TRPC3: variants seen among roughly 807,000 people sequenced by gnomAD.
TRPC3 encodes the protein transient receptor potential cation channel subfamily C member 3.
In TRPC3, 54 loss-of-function variants were observed where a neutral mutation model predicts 90.9. The ratio of observed to expected loss-of-function variants is 0.59; its 90% CI spans 0.48 to 0.75. The LOEUF (loss-of-function observed/expected upper bound fraction) is 0.75. Among genes scored for constraint, TRPC3 ranks in the 30% least tolerant of loss-of-function variants. The pLI is 0.00. For synonymous variants in TRPC3, 424 were observed against 450.9 expected (o/e 0.94, Z 0.75); for missense variants, 918 against 1,194.5 (o/e 0.77, Z 3.41).
At position 121,910,175 on chromosome 4, in the gene TRPC3, C is replaced by G. The variant is rs201026202; in HGVS notation, c.1771G>C (p.Glu591Gln). The G allele has an allele frequency of 4.6e-5, 75 of 1,613,376 alleles. No homozygotes were observed. The East Asian group carries it at 1.6e-3, about 35-fold the overall frequency. The change falls in exon 6 of 12, where the codon GAG becomes CAG. Residue 591 changes from glutamate to glutamine, a missense_variant. Glu to Gln is a conservative substitution (Grantham distance 29). This residue lies in a region of TRPC3 where 147 missense variants were observed against 263.5 expected (regional missense o/e 0.56). Coordinates refer to ENST00000379645, the MANE Select transcript of TRPC3 (RefSeq NM_001130698.2). ...SDLSEVTLPP[E>Q]IQYFTYARDK... ...TTACCATAAGTGAAATACTGTATCTCTGGTGGGAGTGTCACTTCACTGAGG... is the reference window on the plus strand; with the variant it reads ...TTACCATAAGTGAAATACTGTATCTGTGGTGGGAGTGTCACTTCACTGAGG...
At chr4:121,904,603 C>A in intron 7 of TRPC3, 86 bp from the exon 8 acceptor site, 2 of 971,224 alleles carry the variant, frequency 2.1e-6, no homozygotes, top group Admixed American at 3.4e-5. Context: ...TAGGGTTTAA[C>A]TACTGTACAG....
intron 11 of TRPC3, among the ~76,000 whole-genome samples, chr4:121,881,791 T>C (rs1051391212): frequency 6.6e-6 from 1 of 152,154 alleles, no homozygotes; most frequent in Admixed American, 6.5e-5. Context: ...TCCTAGACTT[T>C]GGTAAAAAAT....
chr4:121,877,471 G>A lies in TRPC3; in HGVS notation c.*2265C>T, dbSNP rs1428082333. ...CATCAGTCACTGGCCATGGGGAGGCGGAGGCATCACATCCCGAGCAAGGCT... is the reference window on the plus strand; with the variant it reads ...CATCAGTCACTGGCCATGGGGAGGCAGAGGCATCACATCCCGAGCAAGGCT... On this transcript the variant is annotated 3_prime_UTR_variant, in exon 12 of 12. Coordinates refer to ENST00000379645, the MANE Select transcript of TRPC3 (RefSeq NM_001130698.2). Among the ~76,000 whole-genome samples the A allele has an allele frequency of 1.3e-5, 2 of 152,152 alleles. No homozygotes were observed. Among genetic ancestry groups the A allele is most frequent in the Non-Finnish European group, 2.9e-5 (2 of 68,018 alleles).
At chr4:121,898,697 T>C (rs547717002) in intron 10 of TRPC3, among the ~76,000 whole-genome samples, 1 of 152,248 alleles carries the variant, frequency 6.6e-6, no homozygotes, top group African/African-American at 2.4e-5. Context: ...CACAAAGAAA[T>C]GATAGATGTC....
rs751981744 is a variant in TRPC3 at position 121,907,531 on chromosome 4, A to G, written c.1829T>C (p.Ile610Thr). The stretch of plus-strand genomic sequence containing the variant: ...AGCTATGGCATAAAGGCCTTCAGAT[A>G]TAATCTGAGGGTCAGAAGGGAGCCA... Reference protein sequence around the residue: ...DKWLPSDPQIISEGLYAIAVV... With the variant: ...DKWLPSDPQITSEGLYAIAVV... Residue 610 changes from isoleucine (I) to threonine (T), a missense_variant, in exon 7 of 12, where the codon ATA becomes ACA. Around this residue, in one of 4 missense-constraint regions of TRPC3, gnomAD observed 147 missense variants for 263.5 expected, o/e 0.56. Coordinates refer to ENST00000379645, the MANE Select transcript of TRPC3 (RefSeq NM_001130698.2). 1 of 1,612,790 alleles carries G rather than the reference A, an allele frequency of 6.2e-7. No homozygotes were observed. The highest frequency in any genetic ancestry group is 8.5e-7 in the Non-Finnish European group (1 of 1,179,324).
intron 1 of TRPC3, among the ~76,000 whole-genome samples, chr4:121,947,995 G>A (rs1276963675): frequency 6.6e-6 from 1 of 152,038 alleles, no homozygotes; most frequent in Non-Finnish European, 1.5e-5. Flanking sequence ...CTAAACAAAA[G>A]CTTTTTCCCT....
intron 1 of TRPC3, among the ~76,000 whole-genome samples, chr4:121,943,416 T>C (rs927451801): frequency 6.6e-6 from 1 of 152,232 alleles, no homozygotes; most frequent in Non-Finnish European, 1.5e-5. Context: ...TCTCTATCTC[T>C]TGATTTTGAT....
chr4:121,905,571 T>C (rs141701528), intron 7 of TRPC3, among the ~76,000 whole-genome samples: 4 of 152,276 alleles, frequency 2.6e-5, no homozygotes, highest in Non-Finnish European at 5.9e-5. Flanking sequence ...ACTAAATTAG[T>C]AATCATTAAA....
At chr4:121,902,807 G>T in intron 9 of TRPC3, 45 bp downstream of exon 9, 1 of 1,407,346 alleles carries the variant, frequency 7.1e-7, no homozygotes, top group South Asian at 1.3e-5. Flanking sequence ...AGAAAAAAAA[G>T]ACAGAACATT....
intron 2 of TRPC3, among the ~76,000 whole-genome samples, chr4:121,926,102 G>T (rs180975895): frequency 6.6e-6 from 1 of 152,280 alleles, no homozygotes; most frequent in East Asian, 1.9e-4. Flanking sequence ...GTCAGAGAAG[G>T]CCACGAAGGG....
chr4:121,906,506 TA>T (rs1211522275), intron 7 of TRPC3, among the ~76,000 whole-genome samples: 2 of 152,240 alleles, frequency 1.3e-5, no homozygotes, highest in African/African-American at 2.4e-5. Context: ...TATTAACTAT[TA>T]AAAAATTCAT....
In TRPC3 at chr4:121,877,006, T is replaced by C. The variant is rs2149100296; in HGVS notation, c.*2730A>G. On this transcript the variant is annotated 3_prime_UTR_variant, in exon 12 of 12. Coordinates refer to ENST00000379645, the MANE Select transcript of TRPC3 (RefSeq NM_001130698.2). Reference sequence around the variant, plus strand: ...TCTATAAAGTTGTTTTTGGTCCTGTTTAAATGCTCCCTTCTCTGAGTTGCC... The same window carrying C: ...TCTATAAAGTTGTTTTTGGTCCTGTCTAAATGCTCCCTTCTCTGAGTTGCC... Among the ~76,000 whole-genome samples, 1 of 152,328 alleles carries C rather than the reference T, an allele frequency of 6.6e-6. No homozygotes were observed. The highest frequency in any genetic ancestry group is 2.4e-5 in the African/African-American group (1 of 41,564).
intron 6 of TRPC3, among the ~76,000 whole-genome samples, chr4:121,909,652 T>C (rs1033535724): frequency 1.3e-5 from 2 of 152,116 alleles, no homozygotes; most frequent in African/African-American, 2.4e-5. Context: ...CCAAAATATT[T>C]CTGCTGGTTC....
chr4:121,945,292 G>A (rs1730445144), intron 1 of TRPC3, among the ~76,000 whole-genome samples: 1 of 152,162 alleles, frequency 6.6e-6, no homozygotes, highest in Non-Finnish European at 1.5e-5. Context: ...TCATAGGGAT[G>A]TTCAGTCTCA....
chr4:121,895,972 C>T (rs1728504605), intron 10 of TRPC3, among the ~76,000 whole-genome samples: 1 of 151,868 alleles, frequency 6.6e-6, no homozygotes, highest in Non-Finnish European at 1.5e-5. Context: ...CATCAAAATC[C>T]CACTTGATAG....
At chr4:121,895,802 G>GA in intron 10 of TRPC3, among the ~76,000 whole-genome samples, 2 of 152,004 alleles carry the variant, frequency 1.3e-5, no homozygotes, top group Non-Finnish European at 2.9e-5. Flanking sequence ...CAAACTAATC[G>GA]AAAAAATTAA....
intron 3 of TRPC3, among the ~76,000 whole-genome samples, chr4:121,921,482 A>C (rs1275426833): frequency 7.3e-6 from 1 of 136,988 alleles, no homozygotes; most frequent in Admixed American, 8.2e-5. Context: ...AGATCGCGCC[A>C]CTGCACTCCA....
At chr4:121,924,668 G>A (rs1729638707) in intron 3 of TRPC3, among the ~76,000 whole-genome samples, 4 of 152,150 alleles carry the variant, frequency 2.6e-5, no homozygotes, top group Admixed American at 2.6e-4. Context: ...AGCCTCCTGA[G>A]TAGCTGGAAC....
chr4:121,897,991 T>A (rs1300151716), intron 10 of TRPC3, among the ~76,000 whole-genome samples: 1 of 151,986 alleles, frequency 6.6e-6, no homozygotes, highest in Non-Finnish European at 1.5e-5. Context: ...TGAAATCCCA[T>A]CATTTGCAGC....
Sources: gnomAD v4.1 joint callset for allele counts (sites outside exome capture counted in the v4.1 genomes callset) on GRCh38, gnomAD v4.1.1 for gene constraint, gnomAD v4.1.1 regional missense constraint, MANE v1.5 for transcripts, NCBI Gene and HGNC (gene_info 2026-07-23, HGNC 2026-07-21) for gene names.